Variants in PTPRF observed in about 807,000 individuals in gnomAD.
PTPRF encodes receptor-type tyrosine-protein phosphatase F.
A neutral mutation model predicts 201.8 loss-of-function variants in PTPRF; 59 were observed. That is an observed-to-expected ratio of 0.29 (90% CI 0.24 to 0.36). The LOEUF is 0.36. Among genes scored for constraint, PTPRF ranks in the 10% least tolerant of loss-of-function variants. The pLI is 1.00. For synonymous variants in PTPRF, 1,088 were observed against 1,089.7 expected (o/e 1.00, Z 0.03); for missense variants, 2,132 against 2,690.5 (o/e 0.79, Z 4.59).
chr1:43,591,549 G>T lies in PTPRF; in HGVS notation c.1527G>T (p.Gln509His). Residue 509 changes from glutamine (Q) to histidine (H), a missense_variant, in exon 9 of 34, where the codon CAG becomes CAT. Gln to His is a conservative substitution (Grantham distance 24). Coordinates refer to ENST00000359947, the MANE Select transcript of PTPRF (RefSeq NM_002840.5). ...CCACCATCCAGGTCAAGACGCAGCA[G>T]GGAGGTAGGTGGGGGCATGCCGGCT... ...PSPTIQVKTQ[Q>H]GVPAQPADFQ... 6.4e-7 allele frequency: 1 copy of T among 1,570,718 alleles called. No homozygotes were observed. The highest frequency in any genetic ancestry group is 2.3e-5 in the East Asian group (1 of 43,176).
At chr1:43,535,047 G>A (rs1019016571) in intron 1 of PTPRF, among the ~76,000 whole-genome samples, 1 of 152,166 alleles carries the variant, frequency 6.6e-6, no homozygotes, top group Admixed American at 6.5e-5. Flanking sequence ...CCTCAACTGG[G>A]ATGGTGTAAA....
intron 3 of PTPRF, among the ~76,000 whole-genome samples, chr1:43,547,259 G>A (rs74071963): frequency 0.025 from 3,824 of 152,284 alleles, 158 homozygotes; most frequent in African/African-American, 0.086. Context: ...GGGCAAGGGG[G>A]AACAGTTTTT....
chr1:43,610,071 C>T (rs1212499952), intron 22 of PTPRF, among the ~76,000 whole-genome samples: 2 of 152,200 alleles, frequency 1.3e-5, no homozygotes, highest in Non-Finnish European at 2.9e-5. Flanking sequence ...GACCTCTCCT[C>T]TTGCCCACAC....
chr1:43,542,039 T>A lies in PTPRF; in HGVS notation c.-45-2992T>A, dbSNP rs949477281. ...CTCAACCTCGCAACCGCAGTCAGGC[T>A]AGCAGCAGCCCTGCCCCTTGTTCCT... On this transcript the variant is annotated intron_variant, in intron 2 of 33. Transcript: ENST00000359947. This position sits in a 1 kb window ranked among gnomAD's most constrained non-coding sequence, Gnocchi z 5.2. Among the ~76,000 whole-genome samples the A allele has an allele frequency of 2.6e-5, 4 of 152,190 alleles. No homozygotes were observed. The highest frequency in any genetic ancestry group is 2.1e-4 in the South Asian group (1 of 4,826).
rs141556208 is a variant in PTPRF, at chr1:43,547,245, G to GT, written c.91+2080dup. Among the ~76,000 whole-genome samples, 1,146 of 152,306 alleles carry GT rather than the reference G, an allele frequency of 7.5e-3. 15 individuals are homozygous for GT. Among genetic ancestry groups the GT allele is most frequent in the African/African-American group, 0.026 (1,073 of 41,572 alleles). ...GTTCACCAATTCCCAGTAGTAATTGGTAGGGGCAAGGGGGAACAGTTTTTA... is the reference window on the plus strand; with the variant it reads ...GTTCACCAATTCCCAGTAGTAATTGGTTAGGGGCAAGGGGGAACAGTTTTTA... On this transcript the variant is annotated intron_variant, in intron 3 of 33. Coordinates refer to ENST00000359947, the MANE Select transcript of PTPRF (RefSeq NM_002840.5).
At chr1:43,566,751 C>T (rs573166424) in intron 5 of PTPRF, among the ~76,000 whole-genome samples, 71 of 152,142 alleles carry the variant, frequency 4.7e-4, no homozygotes, top group East Asian at 1.9e-4. Context: ...CTTCCCTTCC[C>T]GGGTGGCAGA....
chr1:43,556,648 C>T (rs1645398089), intron 5 of PTPRF, among the ~76,000 whole-genome samples: 1 of 152,222 alleles, frequency 6.6e-6, no homozygotes, highest in Non-Finnish European at 1.5e-5. Flanking sequence ...CTGGACCACT[C>T]ACTTCTCGTG....
chr1:43,586,841 T>C (rs1649284332), intron 7 of PTPRF, among the ~76,000 whole-genome samples: 1 of 152,232 alleles, frequency 6.6e-6, no homozygotes, highest in Non-Finnish European at 1.5e-5. Context: ...AGAAGGTCGC[T>C]TTTCTAATAG....
chr1:43,539,985 A>C (rs1644262048), intron 2 of PTPRF, among the ~76,000 whole-genome samples: 1 of 152,194 alleles, frequency 6.6e-6, no homozygotes, highest in South Asian at 2.1e-4. Flanking sequence ...GGGTGCCCAC[A>C]GGGGATTGGG....
intron 11 of PTPRF, 31 bp downstream of exon 11, chr1:43,592,632 C>T (rs370756284): frequency 2.2e-5 from 34 of 1,551,436 alleles, no homozygotes; most frequent in East Asian, 6.9e-5. Flanking sequence ...CTGCCTGTTA[C>T]ACCTGGGCTG....
intron 5 of PTPRF, among the ~76,000 whole-genome samples, chr1:43,560,249 C>G (rs1410964528): frequency 6.7e-6 from 1 of 149,208 alleles, no homozygotes; most frequent in Non-Finnish European, 1.5e-5. Flanking sequence ...GTGCAGCAGG[C>G]AGTGTGTGTG....
intron 6 of PTPRF, among the ~76,000 whole-genome samples, chr1:43,570,846 G>A (rs915768412): frequency 6.6e-6 from 1 of 152,236 alleles, no homozygotes; most frequent in Non-Finnish European, 1.5e-5. Flanking sequence ...CTGTAGCGCA[G>A]TTAATTAAAA....
intron 5 of PTPRF, among the ~76,000 whole-genome samples, chr1:43,568,122 C>A (rs571699160): frequency 1.3e-5 from 2 of 151,918 alleles, no homozygotes; most frequent in African/African-American, 4.8e-5. Flanking sequence ...ATGGTGAAAC[C>A]CCGTCTCTAC....
intron 6 of PTPRF, among the ~76,000 whole-genome samples, chr1:43,574,344 T>C (rs1364112615): frequency 6.6e-6 from 1 of 152,166 alleles, no homozygotes; most frequent in African/African-American, 2.4e-5. Flanking sequence ...ATATTAAGAC[T>C]GAGATTATTT....
rs1418774059 is a variant in PTPRF at position 43,595,770 on chromosome 1, G to A, written c.1814-1978G>A. Among the ~76,000 whole-genome samples the A allele has an allele frequency of 2.0e-5, 3 of 152,244 alleles. No individual in the cohort carries two copies. In the East Asian group the frequency reaches 5.8e-4, roughly 29 times the overall value. ...GGTGGGGGGGTTGTAGCAAGAGATG[G>A]AGGGAGCTGCTGTGAAAGCCTGGTC... On this transcript the variant is annotated intron_variant, in intron 11 of 33. Coordinates refer to ENST00000359947, the MANE Select transcript of PTPRF (RefSeq NM_002840.5).
chr1:43,557,523 A>G (rs1259463676), intron 5 of PTPRF, among the ~76,000 whole-genome samples: 1 of 152,052 alleles, frequency 6.6e-6, no homozygotes, highest in Non-Finnish European at 1.5e-5. Context: ...AGTCCCAGCT[A>G]CTTGGGAGGC....
intron 5 of PTPRF, among the ~76,000 whole-genome samples, chr1:43,567,587 A>C (rs1005628549): frequency 6.6e-6 from 1 of 152,206 alleles, no homozygotes; most frequent in African/African-American, 2.4e-5. Flanking sequence ...TGTCCCTGGC[A>C]GCTAGAGCCT....
chr1:43,540,989 A>G (rs1466778876), intron 2 of PTPRF, among the ~76,000 whole-genome samples: 1 of 152,266 alleles, frequency 6.6e-6, no homozygotes, highest in Non-Finnish European at 1.5e-5. Flanking sequence ...ACTGTCCAGG[A>G]CATGACAAAA....
chr1:43,558,652 CT>C (rs1322340115), intron 5 of PTPRF, among the ~76,000 whole-genome samples: 1 of 152,220 alleles, frequency 6.6e-6, no homozygotes, highest in Non-Finnish European at 1.5e-5. Context: ...GCTCTTCTCG[CT>C]CCGCACTCTT....
Sources: allele counts gnomAD v4.1 joint callset (sites outside exome capture counted in the v4.1 genomes callset), GRCh38; gene constraint gnomAD v4.1.1; non-coding constraint Gnocchi (gnomAD v3.1); transcripts MANE v1.5; gene names NCBI Gene and HGNC (gene_info 2026-07-23, HGNC 2026-07-21).